Variants in INTS6 observed in about 807,000 individuals in gnomAD.
INTS6 encodes the protein integrator complex subunit 6.
Under a neutral mutation model 104.9 loss-of-function variants are expected in INTS6, and 16 were observed. That is an observed-to-expected ratio of 0.15 (90% CI 0.10 to 0.23). The LOEUF (loss-of-function observed/expected upper bound fraction) is 0.23, where lower values mean the gene tolerates loss of function less well. Among genes scored for constraint, INTS6 ranks in the 10% least tolerant of loss-of-function variants. The probability of loss-of-function intolerance (pLI) is 1.00; values close to 1 mark genes in which losing one functional copy is unlikely to be tolerated. For synonymous variants in INTS6, 324 were observed against 358.7 expected (o/e 0.90, Z 1.09); for missense variants, 584 against 1,062.8 (o/e 0.55, Z 6.26).
At chr13:51,394,110 C>T (rs1457420904) in intron 5 of INTS6, among the ~76,000 whole-genome samples, 1 of 151,670 alleles carries the variant, frequency 6.6e-6, no homozygotes, top group Non-Finnish European at 1.5e-5. Flanking sequence ...TAAATGTGCA[C>T]CCTCCCACAG....
chr13:51,391,374 T>C (rs1008197297), intron 5 of INTS6, among the ~76,000 whole-genome samples: 3 of 152,190 alleles, frequency 2.0e-5, no homozygotes, highest in African/African-American at 7.2e-5. Context: ...ATAAAATTAC[T>C]AATCAGTATA....
chr13:51,373,610 C>A (rs541539876), intron 15 of INTS6, among the ~76,000 whole-genome samples: 1 of 152,304 alleles, frequency 6.6e-6, no homozygotes, highest in South Asian at 2.1e-4. Context: ...TCTCTTTATG[C>A]CTCTGCACAT....
Position 51,362,098 on chromosome 13 carries a change from T to C in INTS6, c.*3654A>G. 1 of 1,500,900 alleles carries C rather than the reference T, an allele frequency of 6.7e-7. No individual in the cohort carries two copies. Among genetic ancestry groups the C allele is most frequent in the South Asian group, 1.4e-5 (1 of 73,814 alleles). The allele number at this position is 1,500,900 out of a possible 1,614,324, so 93.0% of individuals were successfully genotyped here. A position where few individuals can be genotyped will look rare whatever the true frequency, so the allele number is the denominator to read the frequency against. On this transcript the variant is annotated 3_prime_UTR_variant, in exon 18 of 18. Coordinates refer to ENST00000311234, the MANE Select transcript of INTS6 (RefSeq NM_012141.3). ...AAGGAAACTTATCCTCCATGTTTTTTACCTTCTCATTCTCTCAGCTCATAT... is the reference window on the plus strand; with the variant it reads ...AAGGAAACTTATCCTCCATGTTTTTCACCTTCTCATTCTCTCAGCTCATAT...
At chr13:51,355,013 G>GA in intron 3 of INTS6, 1 of 1,146,406 alleles carries the variant, frequency 8.7e-7, no homozygotes, top group Non-Finnish European at 1.3e-6. Context: ...TGAGAATTTT[G>GA]AAAGTTGATG....
intron 17 of INTS6, among the ~76,000 whole-genome samples, chr13:51,367,081 G>C (rs560283962): frequency 1.3e-5 from 2 of 152,066 alleles, no homozygotes; most frequent in African/African-American, 4.8e-5. Context: ...ATCCACGAAT[G>C]CTCAAGTCCC....
At chr13:51,344,988 G>A in the INTS6 span, among the ~76,000 whole-genome samples, 4 of 152,200 alleles carry the variant, frequency 2.6e-5, no homozygotes, top group East Asian at 7.7e-4. Context: ...AAACAGCCTC[G>A]CTGCCCAGCA....
chr13:51,340,806 C>T, the INTS6 span: 1 of 514,256 alleles, frequency 1.9e-6, no homozygotes, highest in Non-Finnish European at 3.5e-6. Context: ...GTCACACATC[C>T]AGTAAGTGGC....
In INTS6 at chr13:51,434,592, T is replaced by G. The variant is rs548665358; in HGVS notation, c.340-4209A>C. 1.8e-4 allele frequency among the ~76,000 whole-genome samples: 27 copies of G among 152,218 alleles called. 2 individuals carry two copies. The South Asian group carries it at 5.4e-3, about 30-fold the overall frequency. ...TAGAATAATGATTAAGTTAATGTAA[T>G]TTATACACACAAGGTTGTTTTATTA... On this transcript the variant is annotated intron_variant, in intron 3 of 17. Coordinates refer to ENST00000311234, the MANE Select transcript of INTS6 (RefSeq NM_012141.3).
At chr13:51,431,767 A>G (rs1957094904) in intron 3 of INTS6, among the ~76,000 whole-genome samples, 1 of 152,176 alleles carries the variant, frequency 6.6e-6, no homozygotes, top group African/African-American at 2.4e-5. Flanking sequence ...CTTTGGTTAA[A>G]TAAACTTAAA....
the INTS6 span, among the ~76,000 whole-genome samples, chr13:51,345,062 T>C: frequency 6.6e-6 from 1 of 152,216 alleles, no homozygotes; most frequent in African/African-American, 2.4e-5. Flanking sequence ...TTATGAAAGA[T>C]AATTAAAATC....
the INTS6 span, among the ~76,000 whole-genome samples, chr13:51,348,005 A>T: frequency 6.6e-6 from 1 of 151,580 alleles, no homozygotes; most frequent in African/African-American, 2.4e-5. Flanking sequence ...TGGTCCTGTG[A>T]GGGTATCTTA....
At chr13:51,342,863 TTAC>T in the INTS6 span, among the ~76,000 whole-genome samples, 2 of 152,230 alleles carry the variant, frequency 1.3e-5, no homozygotes, top group Non-Finnish European at 2.9e-5. Flanking sequence ...CATTTTTTTC[TTAC>T]TACACTCAAA....
At chr13:51,386,129 A>AT (rs372651886) in intron 7 of INTS6, among the ~76,000 whole-genome samples, 6 of 151,686 alleles carry the variant, frequency 4.0e-5, no homozygotes, top group Admixed American at 2.6e-4. Context: ...TCACTTCCAT[A>AT]TTTTTTTTCT....
rs550248002 is a variant in INTS6 at position 51,366,000 on chromosome 13, A to G, written c.2571-155T>C. On this transcript the variant is annotated intron_variant, in intron 17 of 17. Coordinates refer to ENST00000311234, the MANE Select transcript of INTS6 (RefSeq NM_012141.3). ...TACTACGACAATATAAAATATGTTG[A>G]AAGATTAGCAAATTATTATCCTAGT... Among the ~76,000 whole-genome samples the G allele has an allele frequency of 7.9e-5, 12 of 152,080 alleles. No individual in the cohort carries two copies. In the East Asian group the frequency reaches 2.3e-3, roughly 29 times the overall value.
chr13:51,451,451 G>A (rs972740184), intron 2 of INTS6: 6 of 205,228 alleles, frequency 2.9e-5, no homozygotes, highest in African/African-American at 1.1e-4. Flanking sequence ...TTGGGTATGT[G>A]AAGGTACTAG....
At chr13:51,429,921 G>A (rs544399287) in intron 4 of INTS6, among the ~76,000 whole-genome samples, 14 of 150,748 alleles carry the variant, frequency 9.3e-5, no homozygotes, top group African/African-American at 1.5e-4. Flanking sequence ...TTCCACAGTC[G>A]CTGGACTGCC....
intron 4 of INTS6, among the ~76,000 whole-genome samples, chr13:51,418,636 T>C (rs889276789): frequency 2.0e-5 from 3 of 152,186 alleles, no homozygotes; most frequent in Non-Finnish European, 4.4e-5. Context: ...CTTAGGAATA[T>C]CCAATGTACA....
At chr13:51,344,683 C>T in the INTS6 span, among the ~76,000 whole-genome samples, 1 of 152,014 alleles carries the variant, frequency 6.6e-6, no homozygotes, top group African/African-American at 2.4e-5. Flanking sequence ...CTGACCCTCT[C>T]CCACACAAAT....
chr13:51,434,844 T>C (rs866570459), intron 3 of INTS6, among the ~76,000 whole-genome samples: 6 of 152,106 alleles, frequency 3.9e-5, no homozygotes, highest in African/African-American at 1.4e-4. Context: ...GCCAGTATTG[T>C]TTTTTGTCAT....
Sources: allele counts gnomAD v4.1 joint callset (sites outside exome capture counted in the v4.1 genomes callset), GRCh38; gene constraint gnomAD v4.1.1; transcripts MANE v1.5; gene names NCBI Gene and HGNC (gene_info 2026-07-23, HGNC 2026-07-21).